The following FLI1 variants were observed in gnomAD, a reference collection of about 807,000 sequenced individuals.
FLI1 encodes the protein Fli-1 proto-oncogene, ETS transcription factor.
FLI1 carries 13 observed loss-of-function variants against 53.1 expected under a neutral mutation model. That is an observed-to-expected ratio of 0.24 (90% confidence interval 0.16 to 0.39). The LOEUF is 0.39. FLI1 is among the 10% of genes least tolerant of loss of function. The pLI is 1.00. For missense variants in FLI1, 424 were observed against 600.5 expected (o/e 0.71, Z 3.07); for synonymous variants, 244 against 236.7 (o/e 1.03, Z -0.28).
intron 4 of FLI1, among the ~76,000 whole-genome samples, chr11:128,779,651 G>C (rs1036000761): frequency 2.0e-5 from 3 of 152,194 alleles, no homozygotes; most frequent in African/African-American, 7.2e-5. Flanking sequence ...GCCATTGAGT[G>C]GTGTTAGCCC....
At chr11:128,766,795 C>T (rs1485721847) in intron 2 of FLI1, among the ~76,000 whole-genome samples, 9 of 151,864 alleles carry the variant, frequency 5.9e-5, no homozygotes, top group African/African-American at 1.2e-4. Context: ...TTGGAACGTC[C>T]GGAGAGGTTA....
chr11:128,771,578 G>A (rs189683983), intron 3 of FLI1, among the ~76,000 whole-genome samples: 84 of 152,334 alleles, frequency 5.5e-4, no homozygotes, highest in African/African-American at 1.6e-3. Context: ...CTTCACAGAC[G>A]CTGTAGAATG....
chr11:128,687,071 C>T lies in FLI1; in HGVS notation c.-203+370C>T, dbSNP rs577239799. Reference sequence around the variant, plus strand: ...GCGCGTGCGCGCGCTTGTGTGTGAGCGCGTCTGTGCATGTGTGCATGCGTG... The same window carrying T: ...GCGCGTGCGCGCGCTTGTGTGTGAGTGCGTCTGTGCATGTGTGCATGCGTG... On this transcript the variant is annotated intron_variant, in intron 1 of 6. Coordinates refer to the FLI1 transcript ENST00000344954. The T allele has an allele frequency of 1.9e-5, 3 of 155,680 alleles. No homozygotes were observed. The South Asian group carries it at 5.7e-4, about 30-fold the overall frequency. The allele number at this position is 155,680 out of a possible 1,614,324, so 9.6% of individuals were successfully genotyped here. A position where few individuals can be genotyped will look rare whatever the true frequency, so the allele number is the denominator to read the frequency against.
intron 1 of FLI1, among the ~76,000 whole-genome samples, chr11:128,740,990 C>T (rs1940111255): frequency 6.6e-6 from 1 of 152,170 alleles, no homozygotes; most frequent in Non-Finnish European, 1.5e-5. Flanking sequence ...AAGGGAAGAG[C>T]TCCCAGGCAC....
At chr11:128,707,892 G>T (rs908382226) in intron 1 of FLI1, among the ~76,000 whole-genome samples, 1 of 152,182 alleles carries the variant, frequency 6.6e-6, no homozygotes, top group African/African-American at 2.4e-5. Flanking sequence ...CACTGGTTTT[G>T]TAAGAGCTCT....
chr11:128,686,258 G>A (rs775847827), upstream of FLI1: 16 of 444,792 alleles, frequency 3.6e-5, no homozygotes, highest in Admixed American at 1.2e-4. Context: ...TCCTCAACAC[G>A]CACCAAGAAC....
chr11:128,698,513 G>C (rs1344356790), intron 1 of FLI1, among the ~76,000 whole-genome samples: 4 of 152,130 alleles, frequency 2.6e-5, no homozygotes, highest in Non-Finnish European at 5.9e-5. Context: ...CTCACTTTAT[G>C]GGTGGGGAAA....
At chr11:128,763,416 T>C (rs1244827243) in intron 2 of FLI1, among the ~76,000 whole-genome samples, 3 of 152,222 alleles carry the variant, frequency 2.0e-5, no homozygotes, top group Non-Finnish European at 4.4e-5. Flanking sequence ...TGATCCAAAC[T>C]GTGGTCTGCA....
intron 4 of FLI1, among the ~76,000 whole-genome samples, chr11:128,777,233 GGCTGGGA>G (rs1358031536): frequency 2.0e-5 from 3 of 152,210 alleles, no homozygotes; most frequent in Non-Finnish European, 2.9e-5. Flanking sequence ...GTTTGCGCAA[GGCTGGGA>G]GCCCCGAGGC....
chr11:128,757,100 C>CTTT (rs1565484405), intron 1 of FLI1, among the ~76,000 whole-genome samples: 1 of 133,780 alleles, frequency 7.5e-6, no homozygotes, highest in African/African-American at 2.9e-5. Flanking sequence ...TTCTTTCTTT[C>CTTT]TTTCTTTCTT....
Position 128,764,815 on chromosome 11 carries a change from G to A in FLI1, c.231-3303G>A, listed in dbSNP as rs766920057. ...ATGGAGGGAGGACTGGCAGGCGAGC[G>A]GGCGAGGTATGGCTTTCCTTCTTTC... On this transcript the variant is annotated intron_variant, in intron 2 of 8. Transcript: ENST00000527786. 3.3e-5 allele frequency: 53 copies of A among 1,592,728 alleles called. No homozygotes were observed. The Admixed American group carries it at 5.9e-4, about 18-fold the overall frequency.
At chr11:128,743,456 T>C (rs918878343) in intron 1 of FLI1, among the ~76,000 whole-genome samples, 30 of 141,148 alleles carry the variant, frequency 2.1e-4, no homozygotes, top group African/African-American at 2.6e-4. Context: ...GCTTTGACAA[T>C]GGATCCTGAG....
chr11:128,738,947 G>T (rs969534189), intron 1 of FLI1, among the ~76,000 whole-genome samples: 5 of 152,210 alleles, frequency 3.3e-5, no homozygotes, highest in Non-Finnish European at 5.9e-5. Flanking sequence ...CAAAAAAGAA[G>T]AAAAATCAGC....
intron 4 of FLI1, among the ~76,000 whole-genome samples, chr11:128,778,074 A>G (rs1020234936): frequency 3.9e-5 from 6 of 152,230 alleles, no homozygotes; most frequent in Non-Finnish European, 2.9e-5. Context: ...TCTCAGCAGG[A>G]GCTACTTTAT....
At chr11:128,791,284 A>G (rs1336100203) in intron 5 of FLI1, among the ~76,000 whole-genome samples, 2 of 152,052 alleles carry the variant, frequency 1.3e-5, no homozygotes, top group African/African-American at 4.8e-5. Context: ...ATCTTCAACC[A>G]CACTTTGGAA....
intron 3 of FLI1, among the ~76,000 whole-genome samples, chr11:128,770,010 G>A (rs1254099214): frequency 1.3e-5 from 2 of 152,220 alleles, no homozygotes; most frequent in African/African-American, 4.8e-5. Context: ...GCCTGGGAGG[G>A]AAAGCTTGCT....
At chr11:128,709,749 C>A (rs567277442) in intron 1 of FLI1, among the ~76,000 whole-genome samples, 1 of 152,322 alleles carries the variant, frequency 6.6e-6, no homozygotes, top group East Asian at 1.9e-4. Context: ...TCTGGCTGAC[C>A]AAATACCTAT....
At chr11:128,706,447 C>T (rs1372450626) in intron 1 of FLI1, among the ~76,000 whole-genome samples, 1 of 152,158 alleles carries the variant, frequency 6.6e-6, no homozygotes, top group African/African-American at 2.4e-5. Context: ...GTTTCTCTGT[C>T]ATATCTCCCA....
chr11:128,686,301 G>T (rs1307921881), upstream of FLI1: 1 of 455,778 alleles, frequency 2.2e-6, no homozygotes, highest in African/African-American at 2.0e-5. Flanking sequence ...CAAGCTGCGG[G>T]CATCCCCAGT....
Sources: gnomAD v4.1 joint callset for allele counts (sites outside exome capture counted in the v4.1 genomes callset) on GRCh38, gnomAD v4.1.1 for gene constraint, MANE v1.5 for transcripts, NCBI Gene and HGNC (gene_info 2026-07-23, HGNC 2026-07-21) for gene names.